IPO11: variants seen among roughly 807,000 people sequenced by gnomAD.
The protein encoded by IPO11 is importin-11.
Under a neutral mutation model 143.2 loss-of-function variants are expected in IPO11, and 66 were observed. The ratio of observed to expected loss-of-function variants is 0.46; its 90% confidence interval spans 0.38 to 0.57. IPO11 has a LOEUF of 0.57. IPO11 is among the 20% of genes least tolerant of loss of function. IPO11 has a pLI of 0.00. For missense variants in IPO11, 1,026 were observed against 1,141.0 expected (o/e 0.90, Z 1.45); for synonymous variants, 385 against 377.8 (o/e 1.02, Z -0.22).
intron 28 of IPO11, among the ~76,000 whole-genome samples, chr5:62,594,874 T>G (rs1460264947): frequency 6.6e-6 from 1 of 152,148 alleles, no homozygotes; most frequent in South Asian, 2.1e-4. Flanking sequence ...CTTAAGGATA[T>G]GTAGTGGATT....
chr5:62,446,647 G>T (rs1294942769), intron 3 of IPO11, among the ~76,000 whole-genome samples: 2 of 152,110 alleles, frequency 1.3e-5, no homozygotes, highest in Non-Finnish European at 2.9e-5. Context: ...TTGGATACGA[G>T]TCCTTTGTCA....
Position 62,484,135 on chromosome 5 carries a change from A to C in IPO11, c.1147A>C (p.Met383Leu), listed in dbSNP as rs1397944830. 6.2e-7 allele frequency: 1 copy of C among 1,604,738 alleles called. No homozygotes were observed. Among genetic ancestry groups the C allele is most frequent in the Non-Finnish European group, 8.5e-7 (1 of 1,177,570 alleles). The change falls in exon 11 of 30, where the codon ATG becomes CTG. Residue 383 changes from methionine to leucine, a missense_variant. Around this residue, in one of 5 missense-constraint regions of IPO11, gnomAD observed 429 missense variants for 456.3 expected, o/e 0.94. Coordinates refer to ENST00000325324, the MANE Select transcript of IPO11 (RefSeq NM_016338.5). ...CCTATTAACTGAAGAAGAACTGACA[A>C]TGTGGGAAGAAGACCCAGAAGGCTT... ...YFLLTEEELT[M>L]WEEDPEGFTV...
intron 19 of IPO11, among the ~76,000 whole-genome samples, chr5:62,512,877 A>G (rs367805226): frequency 0.11 from 12,096 of 114,736 alleles, 123 homozygotes; most frequent in East Asian, 0.2. Context: ...CACAGCACAT[A>G]TTTCAGAGAG....
At chr5:62,443,315 A>G in intron 3 of IPO11, 1 of 399,814 alleles carries the variant, frequency 2.5e-6, no homozygotes, top group Non-Finnish European at 4.4e-6. Flanking sequence ...ACTACTGAAT[A>G]AGTGTTCTAT....
intron 19 of IPO11, among the ~76,000 whole-genome samples, chr5:62,511,614 A>G (rs1304741338): frequency 6.6e-6 from 1 of 152,128 alleles, no homozygotes; most frequent in East Asian, 1.9e-4. Context: ...TTGTTTGGCT[A>G]CCCTTTTAGA....
At chr5:62,503,226 A>C (rs1741406683) in intron 16 of IPO11, among the ~76,000 whole-genome samples, 1 of 151,784 alleles carries the variant, frequency 6.6e-6, no homozygotes, top group South Asian at 2.1e-4. Flanking sequence ...TGGGAACTTA[A>C]AGATGTTTAT....
intron 28 of IPO11, among the ~76,000 whole-genome samples, chr5:62,594,917 A>T (rs1477490331): frequency 6.6e-6 from 1 of 152,212 alleles, no homozygotes; most frequent in Non-Finnish European, 1.5e-5. Flanking sequence ...TTTGTGAAAT[A>T]CAAAGAATTG....
At chr5:62,589,627 A>G (rs1360224679) in intron 27 of IPO11, among the ~76,000 whole-genome samples, 1 of 152,092 alleles carries the variant, frequency 6.6e-6, no homozygotes, top group Non-Finnish European at 1.5e-5. Context: ...ATGTGGAGTG[A>G]TCTTGGCTCC....
At chr5:62,613,087 T>A (rs893762430) in intron 29 of IPO11, among the ~76,000 whole-genome samples, 35 of 152,200 alleles carry the variant, frequency 2.3e-4, no homozygotes, top group African/African-American at 7.7e-4. Flanking sequence ...TAATGTACTT[T>A]TTCTTAATTA....
At chr5:62,619,251 C>T (rs1200710782) in intron 29 of IPO11, among the ~76,000 whole-genome samples, 1 of 152,074 alleles carries the variant, frequency 6.6e-6, no homozygotes, top group Non-Finnish European at 1.5e-5. Flanking sequence ...TTACTAATGA[C>T]ATTCTTTTAG....
In IPO11 at chr5:62,601,060, A is replaced by G. The variant is rs544259637; in HGVS notation, c.2679-704A>G. On this transcript the variant is annotated intron_variant, in intron 28 of 29. Coordinates refer to ENST00000325324, the MANE Select transcript of IPO11 (RefSeq NM_016338.5). Reference sequence around the variant, plus strand: ...GCCACTGTTTATTGGTTAGGAACCTATGATCATGCTGATAAATTACTGAAT... The same window carrying G: ...GCCACTGTTTATTGGTTAGGAACCTGTGATCATGCTGATAAATTACTGAAT... Among the ~76,000 whole-genome samples the G allele has an allele frequency of 1.7e-3, 259 of 152,352 alleles. 4 individuals carry two copies. Among genetic ancestry groups the G allele is most frequent in the African/African-American group, 5.5e-3 (228 of 41,592 alleles).
chr5:62,487,631 CTTTTTT>C, intron 12 of IPO11, 134 bp from the exon 13 acceptor site: 1 of 738,890 alleles, frequency 1.4e-6, no homozygotes, highest in Non-Finnish European at 1.8e-6. Flanking sequence ...GGTAACCTTA[CTTTTTT>C]TTTTTAACAA....
intron 26 of IPO11, among the ~76,000 whole-genome samples, chr5:62,552,979 TCTAA>T (rs2112352143): frequency 6.6e-6 from 1 of 152,280 alleles, no homozygotes; most frequent in Non-Finnish European, 1.5e-5. Flanking sequence ...ACAGCCTCCT[TCTAA>T]CTATTTGAAA....
intron 1 of IPO11, chr5:62,422,597 A>C (rs1027916241): frequency 3.3e-5 from 5 of 152,284 alleles, no homozygotes; most frequent in Middle Eastern, 3.4e-3. Flanking sequence ...GTTTAGGATA[A>C]TGTATAACTT....
intron 3 of IPO11, among the ~76,000 whole-genome samples, chr5:62,449,554 A>G (rs959767717): frequency 3.3e-5 from 5 of 152,000 alleles, no homozygotes; most frequent in African/African-American, 1.2e-4. Flanking sequence ...TACATCAATA[A>G]AAGTGAACAT....
intron 1 of IPO11, among the ~76,000 whole-genome samples, chr5:62,420,029 G>A (rs1419638525): frequency 2.6e-5 from 4 of 151,984 alleles, no homozygotes; most frequent in African/African-American, 4.8e-5. Flanking sequence ...GGTGGCTCAC[G>A]CCTGTAATCT....
intron 1 of IPO11, among the ~76,000 whole-genome samples, chr5:62,431,395 T>G (rs1392987295): frequency 6.6e-6 from 1 of 152,080 alleles, no homozygotes; most frequent in Non-Finnish European, 1.5e-5. Flanking sequence ...AATTTTTTGT[T>G]GTTTGTTTGT....
chr5:62,508,298 A>ATTTTTTTTTTTTTTTTTTTTTTTTTTTT (rs70981020), intron 19 of IPO11, among the ~76,000 whole-genome samples: 1 of 127,508 alleles, frequency 7.8e-6, no homozygotes, highest in Non-Finnish European at 1.7e-5. Flanking sequence ...TGCCTGGCTA[A>ATTTTTTTTTTTTTTTTTTTTTTTTTTTT]TTTTTTTTTT....
At chr5:62,472,993 C>A (rs1176160259) in intron 7 of IPO11, among the ~76,000 whole-genome samples, 5 of 152,078 alleles carry the variant, frequency 3.3e-5, no homozygotes, top group Non-Finnish European at 7.4e-5. Context: ...CTATTGGACC[C>A]TTTTATAAAG....
Sources: allele counts gnomAD v4.1 joint callset (sites outside exome capture counted in the v4.1 genomes callset), GRCh38; gene constraint gnomAD v4.1.1; regional missense constraint gnomAD v4.1.1; transcripts MANE v1.5; gene names NCBI Gene and HGNC (gene_info 2026-07-23, HGNC 2026-07-21).